The following ABLIM1 variants were observed in gnomAD, a reference collection of about 807,000 sequenced individuals.
The protein encoded by ABLIM1 is actin-binding LIM protein 1.
A neutral mutation model predicts 107.0 loss-of-function variants in ABLIM1; 40 were observed. That is an observed-to-expected ratio of 0.37 (90% CI 0.29 to 0.49). The LOEUF is 0.49. Among genes scored for constraint, ABLIM1 ranks in the 20% least tolerant of loss-of-function variants. The probability of loss-of-function intolerance (pLI) is 0.97; values close to 1 mark genes in which losing one functional copy is unlikely to be tolerated. For synonymous variants in ABLIM1, 357 were observed against 357.3 expected, an observed-to-expected ratio of 1.00 and a Z score of 0.01; for missense variants, 857 against 1,008.5, an observed-to-expected ratio of 0.85 and a Z score of 2.04.
chr10:114,534,281 C>T (rs2065757947), intron 6 of ABLIM1, among the ~76,000 whole-genome samples: 1 of 152,100 alleles, frequency 6.6e-6, no homozygotes, highest in African/African-American at 2.4e-5. Flanking sequence ...CCCTGATGTG[C>T]TGGGTTCTGG....
intron 20 of ABLIM1, 82 bp downstream of exon 20, chr10:114,440,000 T>C: frequency 6.2e-7 from 1 of 1,608,402 alleles, no homozygotes; most frequent in Non-Finnish European, 8.5e-7. Context: ...ACAGAAACTG[T>C]TGCCTTGGAG....
chr10:114,776,900 G>A, the ABLIM1 span, among the ~76,000 whole-genome samples: 1 of 152,168 alleles, frequency 6.6e-6, no homozygotes, highest in African/African-American at 2.4e-5. Context: ...TTACAGGTGT[G>A]AGCCATCACA....
At chr10:114,592,961 G>A (rs2075051066) in intron 2 of ABLIM1, among the ~76,000 whole-genome samples, 1 of 152,026 alleles carries the variant, frequency 6.6e-6, no homozygotes. Context: ...CTGGAATGCA[G>A]AGAAGTACAG....
intron 1 of ABLIM1, among the ~76,000 whole-genome samples, chr10:114,667,851 G>C (rs2080089743): frequency 6.6e-6 from 1 of 152,146 alleles, no homozygotes; most frequent in African/African-American, 2.4e-5. Context: ...CCTCTAGCAT[G>C]TACCCCAATG....
At chr10:114,501,360 C>T (rs2060398632) in intron 6 of ABLIM1, among the ~76,000 whole-genome samples, 1 of 152,216 alleles carries the variant, frequency 6.6e-6, no homozygotes, top group African/African-American at 2.4e-5. Context: ...GCCTCAGGAG[C>T]TCAGTTAATA....
the ABLIM1 span, among the ~76,000 whole-genome samples, chr10:114,784,257 A>T: frequency 2.6e-4 from 40 of 151,826 alleles, 1 homozygote; most frequent in African/African-American, 9.0e-4. Flanking sequence ...GAGGCAGAAG[A>T]ATTGCTTGAA....
In ABLIM1 at chr10:114,718,094, GAAAAGA is replaced by G. The variant is rs931279403; in HGVS notation, c.-213+49961_-213+49966del. On this transcript the variant is annotated intron_variant, in intron 1 of 15. Coordinates refer to the ABLIM1 transcript ENST00000651092. The stretch of plus-strand genomic sequence containing the variant: ...GAAAGGAAGGAAGGAAGGAAGGAAG[GAAAAGA>G]AAAAGAAAAAGAAAGAAAGAAAAAG... Among the ~76,000 whole-genome samples the G allele has an allele frequency of 6.1e-5, 5 of 82,144 alleles. No homozygotes were observed. In the East Asian group the frequency reaches 1.2e-3, roughly 19 times the overall value. 53.9% of individuals were successfully genotyped at this position (82,144 alleles called of 152,430 possible).
intron 4 of ABLIM1, among the ~76,000 whole-genome samples, chr10:114,568,358 C>G (rs942651177): frequency 6.6e-6 from 1 of 152,004 alleles, no homozygotes; most frequent in Non-Finnish European, 1.5e-5. Context: ...ATGTAACAAA[C>G]CTGCACGTCC....
At chr10:114,795,942 A>C in the ABLIM1 span, among the ~76,000 whole-genome samples, 1 of 152,260 alleles carries the variant, frequency 6.6e-6, no homozygotes, top group East Asian at 1.9e-4. Flanking sequence ...CCTATAAAAA[A>C]GCCAAACTAT....
At chr10:114,437,319 T>C (rs1039078687) in intron 22 of ABLIM1, among the ~76,000 whole-genome samples, 1 of 147,114 alleles carries the variant, frequency 6.8e-6, no homozygotes, top group African/African-American at 2.7e-5. Context: ...TTTTCTTTCT[T>C]TCTTTTTTTT....
At chr10:114,509,195 C>T (rs976969338) in intron 6 of ABLIM1, among the ~76,000 whole-genome samples, 1 of 152,140 alleles carries the variant, frequency 6.6e-6, no homozygotes, top group African/African-American at 2.4e-5. Context: ...ATAAGGAGGG[C>T]AAACTGCTTG....
intron 8 of ABLIM1, among the ~76,000 whole-genome samples, chr10:114,484,102 G>C (rs529475964): frequency 6.6e-6 from 1 of 152,060 alleles, no homozygotes; most frequent in Admixed American, 6.6e-5. Flanking sequence ...TGCTTCTTTC[G>C]GGTTTTTCTC....
chr10:114,494,114 A>T (rs148749142), intron 6 of ABLIM1, among the ~76,000 whole-genome samples: 288 of 152,324 alleles, frequency 1.9e-3, no homozygotes, highest in Non-Finnish European at 2.2e-3. Context: ...CATACAAGAG[A>T]ATTCAGTTTA....
intron 6 of ABLIM1, among the ~76,000 whole-genome samples, chr10:114,533,884 C>T (rs1213916214): frequency 5.9e-5 from 9 of 152,182 alleles, no homozygotes. Context: ...TACTGTGTTG[C>T]CTAGGCTAGT....
At chr10:114,590,745 T>TA (rs1272434648) in intron 2 of ABLIM1, among the ~76,000 whole-genome samples, 2 of 152,128 alleles carry the variant, frequency 1.3e-5, no homozygotes, top group African/African-American at 4.8e-5. Flanking sequence ...ATTGGGGACC[T>TA]ACAGGGAAAG....
chr10:114,455,957 C>G (rs61870072), intron 12 of ABLIM1, among the ~76,000 whole-genome samples: 3 of 151,940 alleles, frequency 2.0e-5, no homozygotes, highest in Admixed American at 6.6e-5. Flanking sequence ...GGACTACAGG[C>G]GCCCGCCACC....
chr10:114,675,441 C>T (rs2080438167), intron 1 of ABLIM1, among the ~76,000 whole-genome samples: 1 of 152,202 alleles, frequency 6.6e-6, no homozygotes, highest in South Asian at 2.1e-4. Flanking sequence ...AACATGGTCT[C>T]TTGCCTGCCT....
At chr10:114,740,373 C>A (rs2082262005) in intron 1 of ABLIM1, among the ~76,000 whole-genome samples, 1 of 152,126 alleles carries the variant, frequency 6.6e-6, no homozygotes, top group Non-Finnish European at 1.5e-5. Context: ...GAACTTTCTT[C>A]CCCCTTCCCT....
intron 12 of ABLIM1, among the ~76,000 whole-genome samples, chr10:114,465,060 G>A (rs2064860381): frequency 1.3e-5 from 2 of 152,324 alleles, no homozygotes; most frequent in Admixed American, 6.5e-5. Flanking sequence ...CTCTACTGTA[G>A]TGATGCCTAA....
Sources: gnomAD v4.1 joint callset for allele counts (sites outside exome capture counted in the v4.1 genomes callset) on GRCh38, gnomAD v4.1.1 for gene constraint, MANE v1.5 for transcripts, NCBI Gene and HGNC (gene_info 2026-07-23, HGNC 2026-07-21) for gene names.